The following TMEM74 variants were observed in gnomAD, a reference collection of about 807,000 sequenced individuals.
The protein encoded by TMEM74 is transmembrane protein 74.
A neutral mutation model predicts 18.1 loss-of-function variants in TMEM74; 13 were observed. The observed-to-expected ratio is 0.72, with a 90% CI of 0.47 to 1.14. TMEM74 has a LOEUF of 1.14. TMEM74 is among the 50% of genes most tolerant of loss of function. The pLI is 0.00. For synonymous variants in TMEM74, 159 were observed against 146.6 expected (o/e 1.08, Z -0.61); for missense variants, 372 against 375.9 (o/e 0.99, Z 0.09).
Position 108,781,673 on chromosome 8 carries a change from T to G in TMEM74, c.*2508A>C, listed in dbSNP as rs1814308584. On this transcript the variant is annotated 3_prime_UTR_variant, in exon 2 of 2. Coordinates refer to ENST00000297459, the MANE Select transcript of TMEM74 (RefSeq NM_153015.3). ...AGCAGATTTAAATAATGTTGAAGTGTGCATTTACTTACCACATTTCGATTT... is the reference window on the plus strand; with the variant it reads ...AGCAGATTTAAATAATGTTGAAGTGGGCATTTACTTACCACATTTCGATTT... Among the ~76,000 whole-genome samples the G allele has an allele frequency of 6.6e-6, 1 of 152,200 alleles. No individual in the cohort carries two copies. Among genetic ancestry groups the G allele is most frequent in the Non-Finnish European group, 1.5e-5 (1 of 68,038 alleles).
intron 2 of TMEM74, among the ~76,000 whole-genome samples, chr8:108,616,652 A>T (rs1343868107): frequency 6.6e-6 from 1 of 152,170 alleles, no homozygotes; most frequent in Non-Finnish European, 1.5e-5. Context: ...AGTGATTTTC[A>T]TGCCAACATA....
At chr8:108,728,349 T>A (rs1813661897) in intron 1 of TMEM74, among the ~76,000 whole-genome samples, 1 of 152,166 alleles carries the variant, frequency 6.6e-6, no homozygotes, top group African/African-American at 2.4e-5. Flanking sequence ...AGACATCAGC[T>A]TTAGATATCA....
intron 3 of TMEM74, among the ~76,000 whole-genome samples, chr8:108,608,330 A>G (rs531141195): frequency 4.6e-4 from 69 of 151,624 alleles, no homozygotes; most frequent in African/African-American, 1.6e-3. Flanking sequence ...AAAGAAAAAA[A>G]AAGAACTAGA....
chr8:108,745,446 C>G (rs1043423296), intron 1 of TMEM74, among the ~76,000 whole-genome samples: 6 of 152,108 alleles, frequency 3.9e-5, no homozygotes, highest in Admixed American at 3.9e-4. Flanking sequence ...GCTATTTTTT[C>G]TCTTGATTTT....
chr8:108,672,371 A>C (rs1226276264), intron 1 of TMEM74, among the ~76,000 whole-genome samples: 2 of 152,220 alleles, frequency 1.3e-5, no homozygotes, highest in African/African-American at 2.4e-5. Flanking sequence ...AATCATCCAG[A>C]TGTTTCCAGA....
intron 1 of TMEM74, among the ~76,000 whole-genome samples, chr8:108,736,386 G>A (rs1208993949): frequency 6.6e-6 from 1 of 152,058 alleles, no homozygotes; most frequent in Non-Finnish European, 1.5e-5. Context: ...TAGAATTAAT[G>A]TCATAGGTTG....
At chr8:108,646,544 C>A (rs978556680) in intron 2 of TMEM74, among the ~76,000 whole-genome samples, 3 of 151,982 alleles carry the variant, frequency 2.0e-5, no homozygotes, top group Admixed American at 6.6e-5. Flanking sequence ...AAGAATATGC[C>A]TTTTATTGTA....
intron 1 of TMEM74, among the ~76,000 whole-genome samples, chr8:108,738,248 A>G (rs1813767353): frequency 6.6e-6 from 1 of 152,192 alleles, no homozygotes; most frequent in Admixed American, 6.5e-5. Context: ...TGAATGGATC[A>G]TAATTGTATA....
At chr8:108,730,696 G>C (rs1039929562) in intron 1 of TMEM74, among the ~76,000 whole-genome samples, 1 of 148,074 alleles carries the variant, frequency 6.8e-6, no homozygotes. Context: ...GCAGTGGAGC[G>C]ATCTCAGCTC....
chr8:108,675,990 G>C (rs1039074536), intron 1 of TMEM74, among the ~76,000 whole-genome samples: 1 of 152,174 alleles, frequency 6.6e-6, no homozygotes, highest in African/African-American at 2.4e-5. Context: ...AAAAAGGATA[G>C]GCAGAGAATT....
intron 2 of TMEM74, among the ~76,000 whole-genome samples, chr8:108,645,151 A>C (rs1812704007): frequency 6.6e-6 from 1 of 152,116 alleles, no homozygotes; most frequent in Non-Finnish European, 1.5e-5. Context: ...GTGCATATAC[A>C]CCATGGAATA....
At chr8:108,699,178 TTCC>T (rs1813311138) in intron 1 of TMEM74, among the ~76,000 whole-genome samples, 1 of 89,174 alleles carries the variant, frequency 1.1e-5, no homozygotes, top group African/African-American at 5.3e-5. Context: ...CCTTCCTTCC[TTCC>T]TTCCTCCCTC....
At chr8:108,741,804 C>G (rs1909027) in intron 1 of TMEM74, among the ~76,000 whole-genome samples, 58,293 of 151,928 alleles carry the variant, frequency 0.38, 12,720 homozygotes, top group African/African-American at 0.59. Flanking sequence ...GATTGGGAGA[C>G]AGGAGCAAGA....
intron 2 of TMEM74, among the ~76,000 whole-genome samples, chr8:108,613,738 C>A (rs983731474): frequency 3.7e-4 from 57 of 152,204 alleles, no homozygotes; most frequent in African/African-American, 1.4e-3. Context: ...CCCACAAACT[C>A]TGATTGGCTT....
chr8:108,699,129 T>C (rs1813309384), intron 1 of TMEM74, among the ~76,000 whole-genome samples: 1 of 98,590 alleles, frequency 1.0e-5, no homozygotes, highest in Non-Finnish European at 2.0e-5. Context: ...CTTGTACCCT[T>C]CCCTCCCCTC....
chr8:108,774,954 C>A (rs1323524081), downstream of TMEM74, among the ~76,000 whole-genome samples: 1 of 151,926 alleles, frequency 6.6e-6, no homozygotes, highest in African/African-American at 2.4e-5. Flanking sequence ...GACTAAAGGA[C>A]CCATCCAGAA....
intron 1 of TMEM74, among the ~76,000 whole-genome samples, chr8:108,712,388 A>C (rs575486061): frequency 2.0e-5 from 3 of 152,292 alleles, no homozygotes; most frequent in African/African-American, 7.2e-5. Flanking sequence ...TCAAAATGTC[A>C]GTTGATTCAT....
downstream of TMEM74, among the ~76,000 whole-genome samples, chr8:108,774,019 A>G (rs1159828489): frequency 1.3e-5 from 2 of 152,206 alleles, no homozygotes; most frequent in African/African-American, 2.4e-5. Context: ...AATGTGATCT[A>G]AACTAAGATT....
chr8:108,636,125 G>T (rs1045710232), intron 2 of TMEM74, among the ~76,000 whole-genome samples: 4 of 152,190 alleles, frequency 2.6e-5, no homozygotes, highest in South Asian at 4.1e-4. Flanking sequence ...GTCTCCTTGG[G>T]AAAGGCTTTA....
Sources: gnomAD v4.1 joint callset for allele counts (sites outside exome capture counted in the v4.1 genomes callset) on GRCh38, gnomAD v4.1.1 for gene constraint, MANE v1.5 for transcripts, NCBI Gene and HGNC (gene_info 2026-07-23, HGNC 2026-07-21) for gene names.